TBC1D9: variants seen among roughly 807,000 people sequenced by gnomAD.
The protein encoded by TBC1D9 is TBC1 domain family member 9A.
In TBC1D9, 63 loss-of-function variants were observed where a neutral mutation model predicts 132.0. The observed-to-expected ratio is 0.48, with a 90% CI of 0.39 to 0.59. TBC1D9 has a LOEUF of 0.59. Among genes scored for constraint, TBC1D9 ranks in the 20% least tolerant of loss-of-function variants. The pLI, the probability that TBC1D9 is intolerant of heterozygous loss-of-function variation, is 0.00. For missense variants in TBC1D9, 1,261 were observed against 1,592.7 expected, an observed-to-expected ratio of 0.79 and a Z score of 3.54; for synonymous variants, 610 against 609.9, an observed-to-expected ratio of 1.00 and a Z score of 0.00.
At chr4:140,703,020 G>A (rs1413261938) in intron 1 of TBC1D9, among the ~76,000 whole-genome samples, 1 of 152,062 alleles carries the variant, frequency 6.6e-6, no homozygotes, top group Non-Finnish European at 1.5e-5. Flanking sequence ...AAGACTTAGG[G>A]GTAATAGGCT....
intron 1 of TBC1D9, among the ~76,000 whole-genome samples, chr4:140,731,899 T>C (rs1030175971): frequency 1.2e-3 from 189 of 152,304 alleles, no homozygotes; most frequent in African/African-American, 4.4e-3. Context: ...TTAACTGGTA[T>C]ATTGGTGTTC....
chr4:140,637,383 A>T (rs1472535013), intron 15 of TBC1D9, among the ~76,000 whole-genome samples: 1 of 151,796 alleles, frequency 6.6e-6, no homozygotes. Context: ...TGTGATTTCA[A>T]TGACTACCAG....
intron 1 of TBC1D9, among the ~76,000 whole-genome samples, chr4:140,739,895 T>G (rs1738733579): frequency 6.6e-6 from 1 of 152,136 alleles, no homozygotes; most frequent in South Asian, 2.1e-4. Flanking sequence ...GAAACAGAAT[T>G]AGATAAACAA....
intron 9 of TBC1D9, among the ~76,000 whole-genome samples, chr4:140,662,802 C>T (rs893185948): frequency 1.3e-5 from 2 of 152,096 alleles, no homozygotes; most frequent in South Asian, 4.1e-4. Flanking sequence ...CAAGTATCTA[C>T]CTCTCAATCT....
chr4:140,636,022 T>C (rs1220262687), intron 15 of TBC1D9, among the ~76,000 whole-genome samples: 1 of 152,166 alleles, frequency 6.6e-6, no homozygotes, highest in Non-Finnish European at 1.5e-5. Flanking sequence ...ACCCAAAGCA[T>C]TTCCTCCTAA....
rs1351887682 is a variant in TBC1D9, at chr4:140,709,242, T to TCACACA, written c.131-7629_131-7628insTGTGTG. Among the ~76,000 whole-genome samples the TCACACA allele has an allele frequency of 1.3e-3, 140 of 106,824 alleles. 1 individual carries two copies. The highest frequency in any genetic ancestry group is 5.6e-3 in the African/African-American group (130 of 23,020). 70.1% of individuals were successfully genotyped at this position (106,824 alleles called of 152,430 possible). A position where few individuals can be genotyped will look rare whatever the true frequency, so the allele number is the denominator to read the frequency against. ...TTATCTCTCTCTCTCTCTCTCTCTC[T>TCACACA]CTCTCTCACACACACACACACACAC... On this transcript the variant is annotated intron_variant, in intron 1 of 20. Coordinates refer to ENST00000442267, the MANE Select transcript of TBC1D9 (RefSeq NM_015130.3).
In TBC1D9 at chr4:140,677,637, G is replaced by A. The variant is rs972209860; in HGVS notation, c.852-536C>T. Among the ~76,000 whole-genome samples, 7 of 152,210 alleles carry A rather than the reference G, an allele frequency of 4.6e-5. No individual in the cohort carries two copies. The South Asian group carries it at 1.5e-3, about 32-fold the overall frequency. On this transcript the variant is annotated intron_variant, in intron 5 of 20. Coordinates refer to ENST00000442267, the MANE Select transcript of TBC1D9 (RefSeq NM_015130.3). The stretch of plus-strand genomic sequence containing the variant: ...TTAACTACTATCTTTTCTCTAATGA[G>A]TTCTTTGTTCTTGCTCATCATGTCA...
chr4:140,639,781 A>T (rs560455929), intron 13 of TBC1D9, among the ~76,000 whole-genome samples: 69 of 152,256 alleles, frequency 4.5e-4, no homozygotes, highest in Non-Finnish European at 8.5e-4. Flanking sequence ...CAATTAGACT[A>T]GAAGATTGGA....
intron 1 of TBC1D9, among the ~76,000 whole-genome samples, chr4:140,705,831 C>T (rs554990466): frequency 3.3e-5 from 5 of 152,310 alleles, no homozygotes; most frequent in Non-Finnish European, 1.5e-5. Flanking sequence ...TTCTAGTCAG[C>T]TATTTCTGGT....
Position 140,654,759 on chromosome 4 carries a change from C to A in TBC1D9, c.2337+2338G>T, listed in dbSNP as rs551938148. ...CCAATAGTGGAAACATAAATTGAGA[C>A]ATCCTTCATGGAAATTAGACAGTGT... On this transcript the variant is annotated intron_variant, in intron 13 of 20. Transcript: ENST00000442267. 2.0e-5 allele frequency among the ~76,000 whole-genome samples: 3 copies of A among 152,156 alleles called. No homozygotes were observed. The South Asian group carries it at 6.2e-4, about 32-fold the overall frequency.
At chr4:140,739,046 C>A (rs1738719149) in intron 1 of TBC1D9, among the ~76,000 whole-genome samples, 1 of 152,096 alleles carries the variant, frequency 6.6e-6, no homozygotes, top group African/African-American at 2.4e-5. Context: ...GAGTTTCGCT[C>A]TTGCTGCCCA....
intron 1 of TBC1D9, among the ~76,000 whole-genome samples, chr4:140,746,574 A>G (rs1166443182): frequency 6.6e-6 from 1 of 152,204 alleles, no homozygotes; most frequent in African/African-American, 2.4e-5. Flanking sequence ...TAATTGACTC[A>G]CAGTTCCACA....
intron 16 of TBC1D9, among the ~76,000 whole-genome samples, chr4:140,629,940 T>C (rs1466067569): frequency 6.6e-6 from 1 of 152,240 alleles, no homozygotes; most frequent in Admixed American, 6.5e-5. Context: ...ATAACAATTC[T>C]ATAAAATGGG....
intron 1 of TBC1D9, among the ~76,000 whole-genome samples, chr4:140,709,253 C>CTCTT (rs1738199329): frequency 1.4e-5 from 1 of 71,112 alleles, no homozygotes; most frequent in Admixed American, 1.5e-4. Context: ...CTCTCTCACA[C>CTCTT]ACACACACAC....
intron 1 of TBC1D9, among the ~76,000 whole-genome samples, chr4:140,707,622 G>A (rs1051911718): frequency 6.6e-6 from 1 of 152,176 alleles, no homozygotes; most frequent in Non-Finnish European, 1.5e-5. Flanking sequence ...ATACTGGTCA[G>A]AAAGTAATTA....
At chr4:140,687,341 GTCATATATATATA>G (rs1737797591) in intron 2 of TBC1D9, among the ~76,000 whole-genome samples, 1 of 91,064 alleles carries the variant, frequency 1.1e-5, no homozygotes, top group African/African-American at 3.4e-5. Context: ...GTGTGTGTGT[GTCATATATATATA>G]TATATATATA....
Position 140,711,233 on chromosome 4 carries a change from C to G in TBC1D9, c.131-9619G>C, listed in dbSNP as rs191816290. Among the ~76,000 whole-genome samples the G allele has an allele frequency of 1.6e-3, 248 of 152,318 alleles. 3 individuals carry two copies. The highest frequency in any genetic ancestry group is 3.5e-4 in the Non-Finnish European group (24 of 68,032). On this transcript the variant is annotated intron_variant, in intron 1 of 20. Transcript: ENST00000442267. ...TTAGATTTACAGCTGCTTCTGTGTG[C>G]AACAGGAAGTTATATTGATTCTAAT...
intron 2 of TBC1D9, among the ~76,000 whole-genome samples, chr4:140,691,972 C>G (rs1254577375): frequency 1.3e-5 from 2 of 152,170 alleles, no homozygotes; most frequent in Admixed American, 1.3e-4. Context: ...AGGTTTAAGG[C>G]TCCACTGATA....
chr4:140,669,781 G>A lies in TBC1D9; in HGVS notation c.1290C>T (p.Leu430=), dbSNP rs372798452. 12 of 1,613,692 alleles carry A rather than the reference G, an allele frequency of 7.4e-6. No homozygotes were observed. Among genetic ancestry groups the A allele is most frequent in the African/African-American group, 2.7e-5 (2 of 74,906 alleles). ...DDEVYSRPSS[L]VSSSPQRSTS... is the part of the protein sequence containing the mutation. ...TGCTTCTCTGGGGGCTGGAGGAGAC[G>A]AGGCTGCTGGGTCGAGAGTACACCT... The change falls in exon 8 of 21, where the codon CTC becomes CTT. Residue 430 remains leucine, a synonymous_variant. Transcript: ENST00000442267.
Sources: gnomAD v4.1 joint callset for allele counts (sites outside exome capture counted in the v4.1 genomes callset) on GRCh38, gnomAD v4.1.1 for gene constraint, MANE v1.5 for transcripts, NCBI Gene and HGNC (gene_info 2026-07-23, HGNC 2026-07-21) for gene names.